MICB: variants seen among roughly 807,000 people sequenced by gnomAD.
MICB encodes MHC class I polypeptide-related sequence B, also known as MHC class I antigen-related protein B.
MICB carries 27 observed loss-of-function variants against 34.3 expected under a neutral mutation model. The observed-to-expected ratio is 0.79, with a 90% confidence interval of 0.58 to 1.08. The LOEUF is 1.08. MICB is among the 50% of genes least tolerant of loss of function. MICB has a pLI of 0.00. For synonymous variants in MICB, 153 were observed against 187.4 expected, an observed-to-expected ratio of 0.82 and a Z score of 1.50; for missense variants, 426 against 483.1, an observed-to-expected ratio of 0.88 and a Z score of 1.11.
At chr6:31,503,948 G>A (rs1482262654) in intron 1 of MICB, among the ~76,000 whole-genome samples, 1 of 52,438 alleles carries the variant, frequency 1.9e-5, no homozygotes, top group African/African-American at 1.0e-4. Flanking sequence ...TGCCAAACTT[G>A]CTGTGTGTGT....
At chr6:31,502,194 G>A (rs1464978727) in intron 1 of MICB, among the ~76,000 whole-genome samples, 1 of 152,142 alleles carries the variant, frequency 6.6e-6, no homozygotes, top group Admixed American at 6.5e-5. Flanking sequence ...AATTAGCCAG[G>A]CGTGGTGGCA....
upstream of MICB, among the ~76,000 whole-genome samples, chr6:31,497,355 C>G (rs2150274911): frequency 6.6e-6 from 1 of 152,132 alleles, no homozygotes; most frequent in South Asian, 2.1e-4. Flanking sequence ...CCCAGAGGTA[C>G]AGATGTCCTA....
In MICB at chr6:31,500,291, TG is replaced by T. The variant is rs1400324200; in HGVS notation, c.70+2029del. On this transcript the variant is annotated intron_variant, in intron 1 of 5. Transcript: ENST00000252229. ...TGGCCAGCACCCCCACCCCTTGCTT[TG>T]TTTTTAATTTTTAACTTTTGTTTGG... is the stretch of plus-strand genomic sequence containing the variant. Among the ~76,000 whole-genome samples, 6 of 152,108 alleles carry T rather than the reference TG, an allele frequency of 3.9e-5. No homozygotes were observed. In the South Asian group the frequency reaches 1.2e-3, roughly 32 times the overall value.
upstream of MICB, among the ~76,000 whole-genome samples, chr6:31,497,839 G>C (rs886817635): frequency 3.3e-5 from 5 of 152,178 alleles, no homozygotes; most frequent in African/African-American, 1.2e-4. Flanking sequence ...GGATGGGGTG[G>C]TCGCGATGCA....
chr6:31,507,615 C>G lies in MICB; in HGVS notation c.1024+84C>G. The stretch of plus-strand genomic sequence containing the variant: ...CCTCATTGCTCCTGCCCAGACAAGA[C>G]GTAGGTGACAAGGCTGCTGGGACAG... On this transcript the variant is annotated intron_variant, in intron 5 of 5. Coordinates refer to ENST00000252229, the MANE Select transcript of MICB (RefSeq NM_005931.5). The surrounding 1 kb of genome is among the most constrained non-coding windows in gnomAD (Gnocchi z 6.0). The G allele has an allele frequency of 6.5e-7, 1 of 1,536,916 alleles. No homozygotes were observed. The highest frequency in any genetic ancestry group is 8.9e-7 in the Non-Finnish European group (1 of 1,121,858).
chr6:31,509,570 G>A (rs1298046016), intron 5 of MICB, among the ~76,000 whole-genome samples: 1 of 152,174 alleles, frequency 6.6e-6, no homozygotes, highest in East Asian at 1.9e-4. Flanking sequence ...TGAGTGGTGG[G>A]CACAGGACAG....
intron 1 of MICB, among the ~76,000 whole-genome samples, chr6:31,504,567 A>G (rs2534658): frequency 0.091 from 13,084 of 144,358 alleles, 598 homozygotes; most frequent in East Asian, 0.13. Context: ...CCTTCTGGAA[A>G]CTAATCTCTT....
In MICB at chr6:31,510,153, A is replaced by C; in HGVS notation, c.*244A>C. 2.5e-6 allele frequency: 1 copy of C among 403,628 alleles called. No homozygotes were observed. 25.0% of individuals were successfully genotyped at this position (403,628 alleles called of 1,614,324 possible). A position where few individuals can be genotyped will look rare whatever the true frequency, so the allele number is the denominator to read the frequency against. ...TCAAACAGCAAATTGTTTATCATGA[A>C]TGCAGGATGTGGGCAAACTCACGAC... On this transcript the variant is annotated 3_prime_UTR_variant, in exon 6 of 6. Coordinates refer to ENST00000252229, the MANE Select transcript of MICB (RefSeq NM_005931.5).
rs2150286633 is a variant in MICB, at chr6:31,504,247, TC to T, written c.71-1369del. On this transcript the variant is annotated intron_variant, in intron 1 of 5. Coordinates refer to ENST00000252229, the MANE Select transcript of MICB (RefSeq NM_005931.5). ...TGCATATTCTGGAAACTAATCTCTC[TC>T]TTTTTCTTTTTTTTTTTTTTTTTTT... 1.9e-4 allele frequency among the ~76,000 whole-genome samples: 19 copies of T among 99,706 alleles called. 1 individual carries two copies. Among genetic ancestry groups the T allele is most frequent in the South Asian group, 3.7e-4 (1 of 2,728 alleles). 65.4% of individuals were successfully genotyped at this position (99,706 alleles called of 152,430 possible).
Position 31,507,520 on chromosome 6 carries a change from C to T in MICB, c.1013C>T (p.Ala338Val). ...VPCCKKKTSA[A>V]EGPELVSLQV... ...TGTTGCAAGAAGAAAACATCAGCGG[C>T]AGAGGGTCCAGGTGAGAAAAGGGGA... Residue 338 changes from alanine to valine, a missense_variant, in exon 5 of 6, where the codon GCA (alanine) becomes GTA (valine). By Grantham distance (64) the Ala-to-Val change is moderately conservative (BLOSUM62 0). Transcript: ENST00000252229. This position sits in a 1 kb window ranked among gnomAD's most constrained non-coding sequence, Gnocchi z 6.0. 1 of 1,614,120 alleles carries T rather than the reference C, an allele frequency of 6.2e-7. No homozygotes were observed. The highest frequency in any genetic ancestry group is 8.5e-7 in the Non-Finnish European group (1 of 1,180,026).
Position 31,509,882 on chromosome 6 carries a change from G to A in MICB, c.1125G>A (p.Gly375=). The part of the protein sequence containing the change: ...LGFQPLMSAT[G]STGSTEGT ...TTCAGCCTCTGATGTCAGCTACTGG[G>A]TCCACTGGTTCCACTGAGGGCACCT... The change falls in exon 6 of 6, where the codon GGG becomes GGA. Residue 375 remains glycine, a synonymous_variant. Coordinates refer to ENST00000252229, the MANE Select transcript of MICB (RefSeq NM_005931.5). 1 of 1,612,972 alleles carries A rather than the reference G, an allele frequency of 6.2e-7. No homozygotes were observed. The highest frequency in any genetic ancestry group is 8.5e-7 in the Non-Finnish European group (1 of 1,179,326).
In MICB at chr6:31,507,747, T is replaced by C. The variant is rs1765437898; in HGVS notation, c.1024+216T>C. Reference sequence around the variant, plus strand: ...GGGGCAAGGCCTTCGAATATCCAGCTGTGGCCTCCTCCTGCTGCAAGTGAG... The same window carrying C: ...GGGGCAAGGCCTTCGAATATCCAGCCGTGGCCTCCTCCTGCTGCAAGTGAG... On this transcript the variant is annotated intron_variant, in intron 5 of 5. Transcript: ENST00000252229. This position sits in a 1 kb window ranked among gnomAD's most constrained non-coding sequence, Gnocchi z 6.0. Among the ~76,000 whole-genome samples the C allele has an allele frequency of 6.6e-6, 1 of 152,130 alleles. No homozygotes were observed. The highest frequency in any genetic ancestry group is 6.5e-5 in the Admixed American group (1 of 15,282).
upstream of MICB, among the ~76,000 whole-genome samples, chr6:31,496,943 A>G (rs892678043): frequency 1.1e-4 from 16 of 152,272 alleles, no homozygotes; most frequent in South Asian, 2.1e-4. Flanking sequence ...ACCCTGGGGA[A>G]ATGTCACCAG....
chr6:31,503,643 T>G (rs1765118964), intron 1 of MICB, among the ~76,000 whole-genome samples: 1 of 152,234 alleles, frequency 6.6e-6, no homozygotes, highest in African/African-American at 2.4e-5. Context: ...TTCCTTTTAA[T>G]GATGAATAAT....
At chr6:31,500,259 C>T (rs920472805) in intron 1 of MICB, among the ~76,000 whole-genome samples, 6 of 151,714 alleles carry the variant, frequency 4.0e-5, no homozygotes, top group African/African-American at 1.2e-4. Context: ...CCTTGGTTTT[C>T]TCTCTCTGGC....
In MICB at chr6:31,507,024, C is replaced by T; in HGVS notation, c.616C>T (p.Pro206Ser). The stretch of plus-strand genomic sequence containing the variant: ...TGGCTCTGCCCTTTCTTCTCCAGTG[C>T]CCCCCATGGTGAATGTCACCTGCAG... ...KSGVAIRRTV[P>S]PMVNVTCSEV... Residue 206 changes from proline (P) to serine (S), a missense_variant and splice_region_variant, in exon 4 of 6, where the codon CCC (proline) becomes TCC (serine). By Grantham distance (74) the Pro-to-Ser change is moderately conservative. Coordinates refer to ENST00000252229, the MANE Select transcript of MICB (RefSeq NM_005931.5). This position sits in a 1 kb window ranked among gnomAD's most constrained non-coding sequence, Gnocchi z 6.0. The T allele has an allele frequency of 6.2e-7, 1 of 1,612,062 alleles. No homozygotes were observed. Among genetic ancestry groups the T allele is most frequent in the Non-Finnish European group, 8.5e-7 (1 of 1,178,764 alleles).
intron 3 of MICB, among the ~76,000 whole-genome samples, 180 bp from the exon 4 acceptor site, chr6:31,506,842 A>C (rs1765364164): frequency 6.6e-6 from 1 of 152,168 alleles, no homozygotes; most frequent in Non-Finnish European, 1.5e-5. Flanking sequence ...CCACAGTCCC[A>C]AGGCCCATCC....
At chr6:31,498,970 C>T (rs1764864379) in intron 1 of MICB, among the ~76,000 whole-genome samples, 1 of 152,162 alleles carries the variant, frequency 6.6e-6, no homozygotes, top group Non-Finnish European at 1.5e-5. Context: ...CCACTTCCCC[C>T]GGTGCTGGGG....
Position 31,505,685 on chromosome 6 carries a change from G to A in MICB, c.139G>A (p.Ala47Thr), listed in dbSNP as rs201389364. The A allele has an allele frequency of 1.4e-5, 22 of 1,612,864 alleles. No homozygotes were observed. Among genetic ancestry groups the A allele is most frequent in the East Asian group, 2.2e-5 (1 of 44,892 alleles). The part of the protein sequence containing the change: ...QDGSVQSGFL[A>T]EGHLDGQPFL... ...TGGATCTGTGCAGTCAGGGTTTCTC[G>A]CTGAGGGACATCTGGATGGTCAGCC... The change falls in exon 2 of 6, where the codon GCT (alanine) becomes ACT (threonine). Residue 47 changes from alanine (A) to threonine (T), a missense_variant. Ala to Thr is a moderately conservative substitution (Grantham distance 58). Coordinates refer to ENST00000252229, the MANE Select transcript of MICB (RefSeq NM_005931.5).
Sources: gnomAD v4.1 joint callset for allele counts (sites outside exome capture counted in the v4.1 genomes callset) on GRCh38, gnomAD v4.1.1 for gene constraint, Gnocchi (gnomAD v3.1) non-coding constraint, MANE v1.5 for transcripts, NCBI Gene and HGNC (gene_info 2026-07-23, HGNC 2026-07-21) for gene names.